The following TECPR2 variants were observed in gnomAD, a reference collection of about 807,000 sequenced individuals.
TECPR2 encodes the protein tectonin beta-propeller repeat containing 2.
Under a neutral mutation model 138.1 loss-of-function variants are expected in TECPR2, and 65 were observed. The observed-to-expected ratio is 0.47, with a 90% CI of 0.39 to 0.58. TECPR2 has a LOEUF of 0.58. Among genes scored for constraint, TECPR2 ranks in the 20% least tolerant of loss-of-function variants. TECPR2 has a pLI of 0.00. For missense variants in TECPR2, 1,553 were observed against 1,824.5 expected (o/e 0.85, Z 2.71); for synonymous variants, 746 against 749.8 (o/e 0.99, Z 0.08).
At chr14:102,463,440 G>GA (rs1343273416) in intron 16 of TECPR2, among the ~76,000 whole-genome samples, 2 of 132,024 alleles carry the variant, frequency 1.5e-5, no homozygotes, top group African/African-American at 5.9e-5. Context: ...AAAAAAAAAA[G>GA]AAAAAAACAA....
Position 102,384,253 on chromosome 14 carries a change from T to G in TECPR2, c.219+7313T>G, listed in dbSNP as rs150697698. Among the ~76,000 whole-genome samples, 412 of 152,246 alleles carry G rather than the reference T, an allele frequency of 2.7e-3. 1 individual carries two copies. Among genetic ancestry groups the G allele is most frequent in the South Asian group, 4.4e-3 (21 of 4,820 alleles). The stretch of plus-strand genomic sequence containing the variant: ...TTTTATTTTTTTACTATTTTTAATT[T>G]TTTTAAAGAGGTTTATTTGGCCCAC... On this transcript the variant is annotated intron_variant, in intron 2 of 19. Coordinates refer to ENST00000359520, the MANE Select transcript of TECPR2 (RefSeq NM_014844.5).
At position 102,404,320 on chromosome 14, in the gene TECPR2, A is replaced by G. The variant is rs193228415; in HGVS notation, c.220-3018A>G. ...GGCTTGGGAGTTTTAGAATATAAAA[A>G]TTTATTCTAAAATTCATATGGGATC... On this transcript the variant is annotated intron_variant, in intron 2 of 19. Coordinates refer to ENST00000359520, the MANE Select transcript of TECPR2 (RefSeq NM_014844.5). Among the ~76,000 whole-genome samples, 9 of 152,248 alleles carry G rather than the reference A, an allele frequency of 5.9e-5. No homozygotes were observed. The East Asian group carries it at 1.7e-3, about 29-fold the overall frequency.
chr14:102,440,152 G>A lies in TECPR2; in HGVS notation c.2579-284G>A, dbSNP rs17718277. On this transcript the variant is annotated intron_variant, in intron 10 of 19. Transcript: ENST00000359520. ...GTGGCCATGTGGTTGATCTGCTTCCGTCTGCAGTCTTTAGAGCAGCCCTGT... is the reference window on the plus strand; with the variant it reads ...GTGGCCATGTGGTTGATCTGCTTCCATCTGCAGTCTTTAGAGCAGCCCTGT... 0.031 allele frequency among the ~76,000 whole-genome samples: 4,677 copies of A among 152,252 alleles called. 83 individuals are homozygous for A. Among genetic ancestry groups the A allele is most frequent in the Middle Eastern group, 0.088 (26 of 294 alleles).
chr14:102,448,111 T>C (rs912653164), intron 13 of TECPR2, among the ~76,000 whole-genome samples: 2 of 152,094 alleles, frequency 1.3e-5, no homozygotes, highest in Non-Finnish European at 2.9e-5. Context: ...TATATACATA[T>C]ACATGTAAAA....
At chr14:102,368,585 C>A (rs1213820442) in intron 1 of TECPR2, among the ~76,000 whole-genome samples, 2 of 150,440 alleles carry the variant, frequency 1.3e-5, no homozygotes, top group African/African-American at 4.9e-5. Flanking sequence ...GATATATAAC[C>A]AGGAGATATT....
chr14:102,470,117 G>A (rs1890625648), intron 17 of TECPR2, among the ~76,000 whole-genome samples: 1 of 152,042 alleles, frequency 6.6e-6, no homozygotes, highest in African/African-American at 2.4e-5. Context: ...AGAATGCACT[G>A]GGAAGTGTTT....
chr14:102,415,106 A>G lies in TECPR2; in HGVS notation c.638+313A>G, dbSNP rs906787536. Among the ~76,000 whole-genome samples the G allele has an allele frequency of 3.3e-5, 5 of 151,734 alleles. No homozygotes were observed. The highest frequency in any genetic ancestry group is 9.7e-5 in the African/African-American group (4 of 41,290). ...TGGTCTATCTGTTCCTTGTGGAGCC[A>G]CCTCCTCCACACAGCCCTGGTGAGG... is the stretch of plus-strand genomic sequence containing the variant. On this transcript the variant is annotated intron_variant, in intron 5 of 19. Coordinates refer to ENST00000359520, the MANE Select transcript of TECPR2 (RefSeq NM_014844.5). The surrounding 1 kb of genome is among the most constrained non-coding windows in gnomAD (Gnocchi z 4.3).
chr14:102,441,549 G>A (rs1889832326), intron 11 of TECPR2, among the ~76,000 whole-genome samples: 1 of 151,976 alleles, frequency 6.6e-6, no homozygotes, highest in Non-Finnish European at 1.5e-5. Context: ...AATTAGCTGG[G>A]CGTGGTGGCG....
At chr14:102,480,259 C>G (rs541610461) in intron 17 of TECPR2, among the ~76,000 whole-genome samples, 2 of 149,692 alleles carry the variant, frequency 1.3e-5, no homozygotes, top group South Asian at 4.2e-4. Context: ...GAGTCTTGCT[C>G]TGTCGCCCAG....
intron 16 of TECPR2, among the ~76,000 whole-genome samples, chr14:102,453,743 G>A (rs528639940): frequency 7.0e-6 from 1 of 142,854 alleles, no homozygotes; most frequent in Non-Finnish European, 1.5e-5. Context: ...TTTTAACTTA[G>A]AACCAGCATT....
At chr14:102,436,306 TC>T (rs1040769267) in intron 9 of TECPR2, among the ~76,000 whole-genome samples, 1 of 150,406 alleles carries the variant, frequency 6.6e-6, no homozygotes, top group African/African-American at 2.5e-5. Flanking sequence ...GGCTTTTTTT[TC>T]TTCTTTCTTT....
At chr14:102,383,293 A>C (rs1366541864) in intron 2 of TECPR2, among the ~76,000 whole-genome samples, 1 of 152,160 alleles carries the variant, frequency 6.6e-6, no homozygotes, top group Non-Finnish European at 1.5e-5. Flanking sequence ...TCTGGCAGTA[A>C]GGTTTATATG....
chr14:102,464,393 G>GT (rs201710403), intron 16 of TECPR2, among the ~76,000 whole-genome samples: 2,676 of 150,694 alleles, frequency 0.018, 50 homozygotes, highest in South Asian at 0.046. Context: ...ACTTAGTTTT[G>GT]TTTTTTTTTG....
At chr14:102,428,199 C>T (rs761145601) in intron 6 of TECPR2, 51 bp from the exon 7 acceptor site, 30 of 1,474,256 alleles carry the variant, frequency 2.0e-5, no homozygotes, top group African/African-American at 5.9e-5. Flanking sequence ...GAGCTGTTAC[C>T]GTTGTTTAGT....
At chr14:102,371,312 C>G (rs1887503635) in intron 1 of TECPR2, among the ~76,000 whole-genome samples, 2 of 152,192 alleles carry the variant, frequency 1.3e-5, no homozygotes, top group Non-Finnish European at 2.9e-5. Flanking sequence ...TTGTTTTTCC[C>G]AAACCTAGCG....
rs1367235464 is a variant in TECPR2 at position 102,498,768 on chromosome 14, C to T, written c.*511C>T. 2.0e-6 allele frequency: 1 copy of T among 491,064 alleles called. No individual in the cohort carries two copies. The highest frequency in any genetic ancestry group is 4.0e-6 in the Non-Finnish European group (1 of 251,560). 30.4% of individuals were successfully genotyped at this position (491,064 alleles called of 1,614,324 possible). On this transcript the variant is annotated 3_prime_UTR_variant, in exon 20 of 20. Transcript: ENST00000359520. Reference sequence around the variant, plus strand: ...CCCCCAGAGACAAAGCTGCAGAGCACATTCCATGCCAGACGCTCTGGCCAG... The same window carrying T: ...CCCCCAGAGACAAAGCTGCAGAGCATATTCCATGCCAGACGCTCTGGCCAG...
chr14:102,438,603 A>T (rs1418832878), intron 10 of TECPR2: 1 of 176,074 alleles, frequency 5.7e-6, no homozygotes, highest in African/African-American at 2.4e-5. Context: ...CAACCGAACT[A>T]ACGAAGACGG....
rs1429156188 is a variant in TECPR2 at position 102,393,687 on chromosome 14, T to C, written c.220-13651T>C. ...GATTCTCCTGCCTCAGCCTCCCAAG[T>C]AGCTGAGATTACAGGTGCGCACCAC... On this transcript the variant is annotated intron_variant, in intron 2 of 19. Transcript: ENST00000359520. Among the ~76,000 whole-genome samples the C allele has an allele frequency of 2.0e-5, 3 of 152,148 alleles. No homozygotes were observed. The East Asian group carries it at 5.8e-4, about 29-fold the overall frequency.
intron 15 of TECPR2, 102 bp from the exon 16 acceptor site, chr14:102,452,292 G>C: frequency 8.5e-7 from 1 of 1,173,624 alleles, no homozygotes; most frequent in Non-Finnish European, 1.2e-6. Context: ...TCTGTGGCCA[G>C]GTGGCTAGCG....
Sources: gnomAD v4.1 joint callset for allele counts (sites outside exome capture counted in the v4.1 genomes callset) on GRCh38, gnomAD v4.1.1 for gene constraint, Gnocchi (gnomAD v3.1) non-coding constraint, MANE v1.5 for transcripts, NCBI Gene and HGNC (gene_info 2026-07-23, HGNC 2026-07-21) for gene names.